Variants in LRP2 observed in about 807,000 individuals in gnomAD.
The protein encoded by LRP2 is low-density lipoprotein receptor-related protein 2.
Under a neutral mutation model 531.0 loss-of-function variants are expected in LRP2, and 172 were observed. That is an observed-to-expected ratio of 0.32 (90% CI 0.29 to 0.37). LRP2 has a LOEUF of 0.37. Ranked by LOEUF, LRP2 falls within the 10% of genes least tolerant of loss-of-function variation. The pLI is 1.00. For synonymous variants in LRP2, 1,992 were observed against 2,027.6 expected, an observed-to-expected ratio of 0.98 and a Z score of 0.47; for missense variants, 5,167 against 5,868.3, an observed-to-expected ratio of 0.88 and a Z score of 3.90.
At position 169,207,007 on chromosome 2, in the gene LRP2, C is replaced by T. The variant is rs1409007683; in HGVS notation, c.6713G>A (p.Gly2238Asp). ...GCCATCACTTCGGTCCACTGCCAAG[C>T]CCCGTGGTGTGACAATGCCCTCTGA... Reference protein sequence around the residue: ...LVSEGIVTPRGLAVDRSDGYV... With the variant: ...LVSEGIVTPRDLAVDRSDGYV... The change falls in exon 39 of 79, where the codon GGC becomes GAC. Residue 2238 changes from glycine (G) to aspartate (D), a missense_variant. Gly to Asp is a moderately conservative substitution (Grantham distance 94). Coordinates refer to ENST00000649046, the MANE Select transcript of LRP2 (RefSeq NM_004525.3). 2 of 1,614,200 alleles carry T rather than the reference C, an allele frequency of 1.2e-6. No homozygotes were observed. Among genetic ancestry groups the T allele is most frequent in the Non-Finnish European group, 1.7e-6 (2 of 1,180,030 alleles).
rs759712755 is a variant in LRP2, at chr2:169,170,560, G to A, written c.11371C>T (p.Arg3791Trp). ...CTCAAATGACAGTTACCACAGTCCC[G>A]TTCATCTGAGTTGTCCCCACAGTCG... ...YNDCGDNSDERDCEMRTCHPE... is the reference protein window; with the variant it reads ...YNDCGDNSDEWDCEMRTCHPE... The change falls in exon 59 of 79, where the codon CGG (arginine) becomes TGG (tryptophan). Residue 3791 changes from arginine to tryptophan, a missense_variant. Arg to Trp is a moderately radical substitution (Grantham distance 101). Coordinates refer to ENST00000649046, the MANE Select transcript of LRP2 (RefSeq NM_004525.3). 9 of 1,612,772 alleles carry A rather than the reference G, an allele frequency of 5.6e-6. No individual in the cohort carries two copies. The highest frequency in any genetic ancestry group is 5.5e-5 in the South Asian group (5 of 91,058).
chr2:169,299,115 GAAAGAAAGAAAGAA>G (rs1684210401), intron 4 of LRP2, among the ~76,000 whole-genome samples: 1 of 74,232 alleles, frequency 1.3e-5, no homozygotes, highest in Non-Finnish European at 2.7e-5. Flanking sequence ...AAGAAAGAAA[GAAAGAAAGAAAGAA>G]AGAAAGAAAG....
intron 1 of LRP2, among the ~76,000 whole-genome samples, chr2:169,359,111 T>A: frequency 6.6e-6 from 1 of 152,162 alleles, no homozygotes; most frequent in East Asian, 1.9e-4. Flanking sequence ...TTTTCTAGTT[T>A]ATTTTCACTG....
chr2:169,176,570 G>T lies in LRP2; in HGVS notation c.10412C>A (p.Thr3471Asn). The change falls in exon 54 of 79, where the codon ACC becomes AAC. Residue 3471 changes from threonine (T) to asparagine (N), a missense_variant. By Grantham distance (65) the Thr-to-Asn change is moderately conservative (BLOSUM62 0). Around this residue, in one of 6 missense-constraint regions of LRP2, gnomAD observed 1,129 missense variants for 1,362.7 expected, o/e 0.83. Transcript: ENST00000649046. ...RQPIVSNPCG[T>N]NNGGCSHLCL... ...GAGATGAGAACAGCCACCATTGTTG[G>T]TACCACAGGGATTGCTCACTAGTGG... The T allele has an allele frequency of 6.2e-7, 1 of 1,614,126 alleles. No homozygotes were observed. The highest frequency in any genetic ancestry group is 8.5e-7 in the Non-Finnish European group (1 of 1,180,026).
chr2:169,226,368 C>A, intron 32 of LRP2, 54 bp downstream of exon 32: 1 of 1,412,724 alleles, frequency 7.1e-7, no homozygotes, highest in Non-Finnish European at 1.0e-6. Context: ...AACATCAGTG[C>A]AGGCAGGCTC....
rs1200217798 is a variant in LRP2, at chr2:169,192,041, C to A, written c.8831-8G>T. The A allele has an allele frequency of 4.4e-6, 7 of 1,607,772 alleles. No individual in the cohort carries two copies. The highest frequency in any genetic ancestry group is 6.0e-6 in the Non-Finnish European group (7 of 1,174,816). On this transcript the variant is annotated splice_polypyrimidine_tract_variant and splice_region_variant and intron_variant, in intron 47 of 78. Coordinates refer to ENST00000649046, the MANE Select transcript of LRP2 (RefSeq NM_004525.3). ...CCGAGCAGTTTTGATTCTCTGAAAC[C>A]AAAGCACGCAAGAATCAGAAAGCAT...
chr2:169,311,411 A>G (rs376098038), intron 3 of LRP2, among the ~76,000 whole-genome samples: 8 of 152,184 alleles, frequency 5.3e-5, no homozygotes, highest in East Asian at 3.9e-4. Flanking sequence ...CTTTGTTCTC[A>G]TTGGTTTCAA....
chr2:169,206,835 C>T lies in LRP2; in HGVS notation c.6885G>A (p.Arg2295=). The T allele has an allele frequency of 1.9e-6, 3 of 1,614,088 alleles. No individual in the cohort carries two copies. Among genetic ancestry groups the T allele is most frequent in the East Asian group, 4.5e-5 (2 of 44,886 alleles). ...TGGCTTGGAAGATCTTTTTCAAATT[C>T]CTATCTACCCATATGATAGAATTTT... ...VFENSIIWVD[R]NLKKIFQASK... The change falls in exon 39 of 79, where the codon AGG becomes AGA. Residue 2295 remains arginine (R), a synonymous_variant. Transcript: ENST00000649046.
At chr2:169,350,681 G>A (rs183049186) in intron 1 of LRP2, among the ~76,000 whole-genome samples, 60 of 125,986 alleles carry the variant, frequency 4.8e-4, no homozygotes, top group South Asian at 2.9e-3. Flanking sequence ...CCAAGATCAC[G>A]CCTCTGCACT....
chr2:169,275,494 CTT>C, intron 13 of LRP2: 1 of 480,282 alleles, frequency 2.1e-6, no homozygotes, highest in Non-Finnish European at 3.8e-6. Flanking sequence ...TTGTCCTAGA[CTT>C]TTTTGGAATT....
At chr2:169,234,305 C>T (rs973114183) in intron 29 of LRP2, among the ~76,000 whole-genome samples, 1 of 152,018 alleles carries the variant, frequency 6.6e-6, no homozygotes, top group Non-Finnish European at 1.5e-5. Flanking sequence ...CTTGCCCCCA[C>T]CCACTGACAG....
rs1227229785 is a variant in LRP2 at position 169,215,742 on chromosome 2, T to TATCTATATAGATCATATATAGA, written c.5826+489_5826+510dup. Among the ~76,000 whole-genome samples, 165 of 147,984 alleles carry TATCTATATAGATCATATATAGA rather than the reference T, an allele frequency of 1.1e-3. 1 individual carries two copies. The highest frequency in any genetic ancestry group is 9.6e-3 in the East Asian group (49 of 5,118). On this transcript the variant is annotated intron_variant, in intron 35 of 78. Coordinates refer to ENST00000649046, the MANE Select transcript of LRP2 (RefSeq NM_004525.3). ...TCTATATTCTATAATATATATTCTATATCTATATAGATCATATATAGAATC... is the reference window on the plus strand; with the variant it reads ...TCTATATTCTATAATATATATTCTATATCTATATAGATCATATATAGAATCTATATAGATCATATATAGAATC...
intron 20 of LRP2, 151 bp downstream of exon 20, chr2:169,247,227 T>A: frequency 3.2e-6 from 3 of 951,680 alleles, no homozygotes; most frequent in Admixed American, 2.5e-5. Flanking sequence ...AGATTTCAAG[T>A]CTTACACTCT....
chr2:169,185,856 G>C lies in LRP2; in HGVS notation c.9492C>G (p.Ser3164Arg), dbSNP rs760331558. The change falls in exon 50 of 79, where the codon AGC becomes AGG. Residue 3164 changes from serine to arginine, a missense_variant. Ser to Arg is a moderately radical substitution (Grantham distance 110). Transcript: ENST00000649046. ...AGCCTATTACATTCTCACACTTCTG[G>C]CTACAGACAAAAGGCATCTCTGTGC... ...DECTEMPFVC[S>R]QKCENVIGSY... is the part of the protein sequence containing the mutation. The C allele has an allele frequency of 6.2e-7, 1 of 1,613,832 alleles. No individual in the cohort carries two copies. The highest frequency in any genetic ancestry group is 1.1e-5 in the South Asian group (1 of 91,042).
In LRP2 at chr2:169,185,696, A is replaced by C. The variant is rs1395711533; in HGVS notation, c.9652T>G (p.Phe3218Val). The C allele has an allele frequency of 6.2e-7, 1 of 1,614,016 alleles. No homozygotes were observed. The highest frequency in any genetic ancestry group is 1.3e-5 in the African/African-American group (1 of 74,912). ...AGTCCTTCCAAGATGAGGGAGTAAAAATAGCCATCTATAGTTAAATTTCTC... is the reference window on the plus strand; with the variant it reads ...AGTCCTTCCAAGATGAGGGAGTAAACATAGCCATCTATAGTTAAATTTCTC... ...YLRNLTIDGY[F>V]YSLILEGLDN... The change falls in exon 50 of 79, where the codon TTT (phenylalanine) becomes GTT (valine). Residue 3218 changes from phenylalanine to valine, a missense_variant. Physicochemically the swap from Phe to Val is conservative, Grantham distance 50. Around this residue, in one of 6 missense-constraint regions of LRP2, gnomAD observed 1,129 missense variants for 1,362.7 expected, o/e 0.83. Coordinates refer to ENST00000649046, the MANE Select transcript of LRP2 (RefSeq NM_004525.3).
chr2:169,157,651 G>C, intron 63 of LRP2, 149 bp from the exon 64 acceptor site: 1 of 803,758 alleles, frequency 1.2e-6, no homozygotes, highest in East Asian at 2.7e-5. Context: ...GAGGGCACTG[G>C]GGGAGTCAGG....
chr2:169,128,621 GCAAAAGTGTGTTT>G lies in LRP2; in HGVS notation c.*29_*41del, dbSNP rs1031469990. 6.4e-7 allele frequency: 1 copy of G among 1,572,258 alleles called. No homozygotes were observed. Among genetic ancestry groups the G allele is most frequent in the Non-Finnish European group, 8.8e-7 (1 of 1,142,210 alleles). On this transcript the variant is annotated 3_prime_UTR_variant, in exon 79 of 79. Transcript: ENST00000649046. ...TCATCTGTTTGTAAAAAATATATGTGCAAAAGTGTGTTTCTAATTATTCCCTAAATAGCTGGTA... is the reference window on the plus strand; with the variant it reads ...TCATCTGTTTGTAAAAAATATATGTGCTAATTATTCCCTAAATAGCTGGTA...
intron 23 of LRP2, among the ~76,000 whole-genome samples, 158 bp from the exon 24 acceptor site, chr2:169,243,230 G>A (rs1468225328): frequency 1.3e-5 from 2 of 152,090 alleles, no homozygotes; most frequent in Non-Finnish European, 2.9e-5. Flanking sequence ...GTGGTTTGCT[G>A]CACCCATCAA....
At chr2:169,220,024 T>A (rs1445717005) in intron 34 of LRP2, among the ~76,000 whole-genome samples, 1 of 152,166 alleles carries the variant, frequency 6.6e-6, no homozygotes, top group African/African-American at 2.4e-5. Context: ...TGTGCCTTCA[T>A]GGATCCCTTG....
Sources: allele counts gnomAD v4.1 joint callset (sites outside exome capture counted in the v4.1 genomes callset), GRCh38; gene constraint gnomAD v4.1.1; regional missense constraint gnomAD v4.1.1; transcripts MANE v1.5; gene names NCBI Gene and HGNC (gene_info 2026-07-23, HGNC 2026-07-21).